The following LRCH3 variants were observed in gnomAD, a reference collection of about 807,000 sequenced individuals.
The protein encoded by LRCH3 is leucine rich repeats and calponin homology domain containing 3.
Under a neutral mutation model 104.5 loss-of-function variants are expected in LRCH3, and 68 were observed. The ratio of observed to expected loss-of-function variants is 0.65; its 90% CI spans 0.54 to 0.80. The LOEUF is 0.80. Ranked by LOEUF, LRCH3 falls within the 30% of genes least tolerant of loss-of-function variation. LRCH3 has a pLI of 0.00. For missense variants in LRCH3, 951 were observed against 953.9 expected (o/e 1.00, Z 0.04); for synonymous variants, 344 against 361.3 (o/e 0.95, Z 0.54).
At chr3:197,817,327 A>AGCGTGTGTGTGTGT in intron 3 of LRCH3, 25 bp downstream of exon 3, 5 of 821,258 alleles carry the variant, frequency 6.1e-6, no homozygotes, top group Admixed American at 9.5e-5. Flanking sequence ...TTGATTGTCC[A>AGCGTGTGTGTGTGT]ACATGTGTGT....
intron 2 of LRCH3, among the ~76,000 whole-genome samples, chr3:197,816,587 G>T (rs1162130424): frequency 1.3e-5 from 2 of 152,098 alleles, no homozygotes; most frequent in Non-Finnish European, 2.9e-5. Flanking sequence ...GCCGATAGAT[G>T]TGTTTTATTA....
At chr3:197,796,490 T>TA (rs1363375733) in intron 1 of LRCH3, among the ~76,000 whole-genome samples, 1 of 152,152 alleles carries the variant, frequency 6.6e-6, no homozygotes, top group African/African-American at 2.4e-5. Flanking sequence ...TGAATTTATT[T>TA]AAAAAAGGAT....
chr3:197,800,939 C>G (rs1731813814), intron 1 of LRCH3, among the ~76,000 whole-genome samples: 1 of 151,774 alleles, frequency 6.6e-6, no homozygotes, highest in African/African-American at 2.4e-5. Flanking sequence ...ACTAAAAATA[C>G]AAAAAATTAG....
In LRCH3 at chr3:197,848,000, T is replaced by C. The variant is rs1398811757; in HGVS notation, c.1509T>C (p.Asp503=). ...TAAGGACCAAGCAGATCCAGAGAGA[T>C]GCTGTCCTGGACTTTGTCAAAGTGA... ...EKIRTKQIQR[D]AVLDFVKQKA... is the part of the protein sequence containing the mutation. The change falls in exon 12 of 21, where the codon GAT becomes GAC. Residue 503 remains aspartate, a synonymous_variant. Transcript: ENST00000425562. 1 of 1,614,002 alleles carries C rather than the reference T, an allele frequency of 6.2e-7. No individual in the cohort carries two copies. The highest frequency in any genetic ancestry group is 8.5e-7 in the Non-Finnish European group (1 of 1,180,016).
At position 197,871,305 on chromosome 3, in the gene LRCH3, C is replaced by T. The variant is rs769456996; in HGVS notation, c.1993-20C>T. On this transcript the variant is annotated intron_variant, in intron 18 of 20. Coordinates refer to ENST00000425562, the MANE Select transcript of LRCH3 (RefSeq NM_001365715.1). ...CAGTCTTTCTTCAATTAATCTATTA[C>T]ATGTTTTTTGTTCTTTCAGCATATT... 7 of 1,585,426 alleles carry T rather than the reference C, an allele frequency of 4.4e-6. No homozygotes were observed. Among genetic ancestry groups the T allele is most frequent in the Non-Finnish European group, 1.7e-6 (2 of 1,155,026 alleles).
chr3:197,795,686 GTTTTTTTTTT>G (rs1167369678), intron 1 of LRCH3, among the ~76,000 whole-genome samples: 3 of 65,806 alleles, frequency 4.6e-5, no homozygotes, highest in Admixed American at 2.3e-4. Flanking sequence ...AAAAGTTGTT[GTTTTTTTTTT>G]TTTTTTTTTT....
intron 3 of LRCH3, among the ~76,000 whole-genome samples, chr3:197,819,917 C>T (rs193146051): frequency 6.6e-6 from 1 of 151,926 alleles, no homozygotes; most frequent in East Asian, 1.9e-4. Context: ...ACCATGTTGC[C>T]CACGCTGGTC....
chr3:197,815,968 T>G (rs1187945462), intron 2 of LRCH3, among the ~76,000 whole-genome samples: 1 of 152,218 alleles, frequency 6.6e-6, no homozygotes, highest in Non-Finnish European at 1.5e-5. Context: ...TAAAACTATT[T>G]TTGTATGTAA....
intron 1 of LRCH3, among the ~76,000 whole-genome samples, chr3:197,796,944 A>G (rs1193346876): frequency 5.9e-5 from 9 of 152,136 alleles, no homozygotes; most frequent in Non-Finnish European, 1.0e-4. Context: ...ATGTAGAGTG[A>G]CACTTTAGGA....
intron 15 of LRCH3, 125 bp from the exon 16 acceptor site, chr3:197,865,298 C>A: frequency 1.5e-6 from 1 of 648,872 alleles, no homozygotes; most frequent in Non-Finnish European, 2.6e-6. Flanking sequence ...CAAATTCTCA[C>A]CTCTAGACTT....
chr3:197,859,091 A>C, intron 15 of LRCH3, 186 bp downstream of exon 15: 1 of 591,510 alleles, frequency 1.7e-6, no homozygotes, highest in Non-Finnish European at 3.0e-6. Context: ...TGCTAGAGAT[A>C]GTCATAGAGC....
At chr3:197,847,362 C>A in intron 10 of LRCH3, 47 bp from the exon 11 acceptor site, 2 of 1,521,820 alleles carry the variant, frequency 1.3e-6, no homozygotes, top group African/African-American at 1.4e-5. Flanking sequence ...ATCTGTTTGT[C>A]TTTTTATCAA....
intron 1 of LRCH3, among the ~76,000 whole-genome samples, chr3:197,812,506 T>TTTG (rs1553915547): frequency 8.3e-6 from 1 of 120,980 alleles, no homozygotes; most frequent in African/African-American, 3.2e-5. Flanking sequence ...TGCTTTCAGT[T>TTTG]TTTTTTTTTT....
At chr3:197,820,539 T>C in intron 4 of LRCH3, 109 bp downstream of exon 4, 1 of 707,206 alleles carries the variant, frequency 1.4e-6, no homozygotes, top group Non-Finnish European at 2.4e-6. Flanking sequence ...GGCTGGGCGC[T>C]GTGGCTCCTG....
chr3:197,882,783 A>G (rs1580933506), intron 20 of LRCH3: 4 of 985,324 alleles, frequency 4.1e-6, no homozygotes, highest in East Asian at 2.3e-4. Context: ...CAGTGTCAAC[A>G]CTTCTCACAT....
chr3:197,797,189 C>T (rs1415809775), intron 1 of LRCH3, among the ~76,000 whole-genome samples: 4 of 151,668 alleles, frequency 2.6e-5, no homozygotes, highest in South Asian at 2.1e-4. Context: ...ATTAGCTGGG[C>T]GTGGTGGTGC....
intron 16 of LRCH3, 150 bp from the exon 17 acceptor site, chr3:197,865,962 A>G (rs1202937161): frequency 3.2e-6 from 2 of 628,640 alleles, no homozygotes; most frequent in African/African-American, 3.7e-5. Flanking sequence ...TGGTTTCATG[A>G]TTATTTTCTG....
chr3:197,840,433 G>C (rs6802597), intron 10 of LRCH3, among the ~76,000 whole-genome samples: 4,637 of 151,684 alleles, frequency 0.031, 255 homozygotes, highest in African/African-American at 0.11. Context: ...CTCCAGCCTG[G>C]GTGACAGACT....
chr3:197,830,772 A>G lies in LRCH3; in HGVS notation c.890A>G (p.His297Arg), dbSNP rs778472616. 3 of 1,613,046 alleles carry G rather than the reference A, an allele frequency of 1.9e-6. No homozygotes were observed. The highest frequency in any genetic ancestry group is 2.7e-5 in the African/African-American group (2 of 74,916). Residue 297 changes from histidine to arginine, a missense_variant and splice_region_variant, in exon 7 of 21, where the codon CAT (histidine) becomes CGT (arginine). His to Arg is a conservative substitution (Grantham distance 29). Coordinates refer to ENST00000425562, the MANE Select transcript of LRCH3 (RefSeq NM_001365715.1). ...DRRPLGFGSC[H>R]EELYSSRPYG... is the part of the protein sequence containing the mutation. ...GTAACAGAGTCTCTTTTCGGCAGCC[A>G]TGAAGAACTGTACTCAAGTCGCCCT...
Sources: allele counts gnomAD v4.1 joint callset (sites outside exome capture counted in the v4.1 genomes callset), GRCh38; gene constraint gnomAD v4.1.1; transcripts MANE v1.5; gene names NCBI Gene and HGNC (gene_info 2026-07-23, HGNC 2026-07-21).